The following TGFB2 variants were observed in gnomAD, a reference collection of about 807,000 sequenced individuals.
TGFB2 encodes the protein transforming growth factor beta 2.
TGFB2 carries 13 observed loss-of-function variants against 42.7 expected under a neutral mutation model. The ratio of observed to expected loss-of-function variants is 0.30; its 90% confidence interval spans 0.20 to 0.48. The LOEUF (loss-of-function observed/expected upper bound fraction) is 0.48, where lower values mean the gene tolerates loss of function less well. TGFB2 is among the 20% of genes least tolerant of loss of function. The pLI is 0.99. For missense variants in TGFB2, 390 were observed against 517.5 expected (o/e 0.75, Z 2.39); for synonymous variants, 193 against 193.6 (o/e 1.00, Z 0.03).
At chr1:218,405,892 A>G (rs1658895572) in intron 2 of TGFB2, among the ~76,000 whole-genome samples, 1 of 152,142 alleles carries the variant, frequency 6.6e-6, no homozygotes, top group Admixed American at 6.5e-5. Flanking sequence ...CCTCAGTTGC[A>G]TGAACAGCTG....
rs10482760 is a variant in TGFB2, at chr1:218,387,879, G to A, written c.347-17290G>A. 2.6e-3 allele frequency among the ~76,000 whole-genome samples: 390 copies of A among 152,284 alleles called. 4 individuals are homozygous for A. Among genetic ancestry groups the A allele is most frequent in the Middle Eastern group, 0.01 (3 of 294 alleles). On this transcript the variant is annotated intron_variant, in intron 1 of 6. Coordinates refer to ENST00000366930, the MANE Select transcript of TGFB2 (RefSeq NM_003238.6). ...TTACAAAATCCTTTTAGGATTCTGG[G>A]ATCCTTCTCTGAGATATTTGAAAGG... is the stretch of plus-strand genomic sequence containing the variant.
chr1:218,375,886 C>G (rs1370597223), intron 1 of TGFB2, among the ~76,000 whole-genome samples: 1 of 152,080 alleles, frequency 6.6e-6, no homozygotes. Context: ...TGTAACAAAC[C>G]TTCACATCCT....
chr1:218,401,484 C>T (rs138642616), intron 1 of TGFB2, among the ~76,000 whole-genome samples: 115 of 152,204 alleles, frequency 7.6e-4, no homozygotes, highest in African/African-American at 2.7e-3. Flanking sequence ...GGAGGAGGAC[C>T]AGAATCAGCC....
chr1:218,378,224 A>G (rs865888060), intron 1 of TGFB2, among the ~76,000 whole-genome samples: 35 of 149,464 alleles, frequency 2.3e-4, no homozygotes, highest in African/African-American at 8.4e-4. Flanking sequence ...CAGGCACTCT[A>G]TGAGTGCAAT....
At chr1:218,411,102 T>G (rs1306885187) in intron 2 of TGFB2, among the ~76,000 whole-genome samples, 4 of 152,204 alleles carry the variant, frequency 2.6e-5, no homozygotes, top group Admixed American at 2.0e-4. Context: ...AGCTCTCCAG[T>G]ATTTCTAGTT....
At chr1:218,378,919 T>G (rs910610922) in intron 1 of TGFB2, among the ~76,000 whole-genome samples, 9 of 151,950 alleles carry the variant, frequency 5.9e-5, no homozygotes, top group Non-Finnish European at 1.2e-4. Flanking sequence ...GCCTTCACAT[T>G]GCTTCCTCGC....
chr1:218,435,091 G>A (rs1332074370), intron 4 of TGFB2, among the ~76,000 whole-genome samples: 2 of 152,200 alleles, frequency 1.3e-5, no homozygotes, highest in African/African-American at 2.4e-5. Flanking sequence ...ATTAGATGAT[G>A]AGTTGTTGGA....
At chr1:218,393,383 G>A (rs1193751145) in intron 1 of TGFB2, among the ~76,000 whole-genome samples, 1 of 152,170 alleles carries the variant, frequency 6.6e-6, no homozygotes, top group African/African-American at 2.4e-5. Flanking sequence ...AAAATAAAAT[G>A]TGCTTCTAAT....
At chr1:218,381,870 C>T (rs1657974785) in intron 1 of TGFB2, among the ~76,000 whole-genome samples, 1 of 152,176 alleles carries the variant, frequency 6.6e-6, no homozygotes, top group Non-Finnish European at 1.5e-5. Flanking sequence ...TGCCTATGCA[C>T]ACAATGGGGC....
intron 1 of TGFB2, among the ~76,000 whole-genome samples, chr1:218,390,905 C>T (rs1384334758): frequency 6.6e-6 from 1 of 152,178 alleles, no homozygotes; most frequent in Admixed American, 6.5e-5. Flanking sequence ...ATGAATACAT[C>T]TACCAACCCT....
chr1:218,428,254 A>G (rs1659690742), intron 2 of TGFB2, among the ~76,000 whole-genome samples: 1 of 152,164 alleles, frequency 6.6e-6, no homozygotes, highest in African/African-American at 2.4e-5. Context: ...AGATGGGTAG[A>G]TTGCAAAAAT....
chr1:218,413,994 G>A (rs755258177), intron 2 of TGFB2, among the ~76,000 whole-genome samples: 1 of 152,206 alleles, frequency 6.6e-6, no homozygotes, highest in African/African-American at 2.4e-5. Context: ...AGTGGGGGGA[G>A]TGAATCATCA....
intron 1 of TGFB2, among the ~76,000 whole-genome samples, chr1:218,401,878 A>T (rs945927148): frequency 6.6e-6 from 1 of 152,146 alleles, no homozygotes; most frequent in African/African-American, 2.4e-5. Context: ...TGCTCCGTGT[A>T]TAGGGTGTTT....
chr1:218,413,933 A>G (rs1659185821), intron 2 of TGFB2, among the ~76,000 whole-genome samples: 3 of 152,190 alleles, frequency 2.0e-5, no homozygotes, highest in Admixed American at 2.0e-4. Flanking sequence ...AGACTTGAGG[A>G]TGATAGGGTG....
intron 2 of TGFB2, among the ~76,000 whole-genome samples, chr1:218,410,593 A>G (rs778745941): frequency 1.3e-4 from 20 of 152,246 alleles, no homozygotes; most frequent in Non-Finnish European, 1.9e-4. Context: ...TGAGAGGGAT[A>G]AAGTGTCTGA....
At position 218,388,896 on chromosome 1, in the gene TGFB2, G is replaced by A. The variant is rs547064205; in HGVS notation, c.347-16273G>A. On this transcript the variant is annotated intron_variant, in intron 1 of 6. Transcript: ENST00000366930. ...TCTCTTCAAGTTGGAATATGATGGCGGTCTCAGAATTGGCCTTCTCAGCTG... is the reference window on the plus strand; with the variant it reads ...TCTCTTCAAGTTGGAATATGATGGCAGTCTCAGAATTGGCCTTCTCAGCTG... Among the ~76,000 whole-genome samples, 8 of 152,236 alleles carry A rather than the reference G, an allele frequency of 5.3e-5. 1 individual carries two copies. The South Asian group carries it at 8.3e-4, about 16-fold the overall frequency.
intron 1 of TGFB2, among the ~76,000 whole-genome samples, chr1:218,381,195 C>T (rs750032390): frequency 5.9e-5 from 9 of 151,794 alleles, no homozygotes; most frequent in South Asian, 2.1e-4. Context: ...ATTTTACAGA[C>T]GAGGAAACTG....
intron 1 of TGFB2, among the ~76,000 whole-genome samples, chr1:218,385,170 A>G (rs1055366448): frequency 8.5e-5 from 13 of 152,120 alleles, no homozygotes; most frequent in African/African-American, 2.9e-4. Context: ...CTTATCTGCA[A>G]AAGGGAGATG....
chr1:218,393,099 T>C (rs1432369109), intron 1 of TGFB2, among the ~76,000 whole-genome samples: 1 of 152,204 alleles, frequency 6.6e-6, no homozygotes, highest in African/African-American at 2.4e-5. Context: ...AGAAAGATTT[T>C]CGGCTAATAA....
Sources: gnomAD v4.1 joint callset for allele counts (sites outside exome capture counted in the v4.1 genomes callset) on GRCh38, gnomAD v4.1.1 for gene constraint, MANE v1.5 for transcripts, NCBI Gene and HGNC (gene_info 2026-07-23, HGNC 2026-07-21) for gene names.